The following MICAL3 variants were observed in gnomAD, a reference collection of about 807,000 sequenced individuals.
MICAL3 encodes the protein [F-actin]-monooxygenase MICAL3.
Under a neutral mutation model 207.4 loss-of-function variants are expected in MICAL3, and 62 were observed. The ratio of observed to expected loss-of-function variants is 0.30; its 90% CI spans 0.24 to 0.37. The LOEUF (loss-of-function observed/expected upper bound fraction) is 0.37, where lower values mean the gene tolerates loss of function less well. MICAL3 is among the 10% of genes least tolerant of loss of function. The pLI, the probability that MICAL3 is intolerant of heterozygous loss-of-function variation, is 1.00. For missense variants in MICAL3, 2,368 were observed against 2,635.6 expected, an observed-to-expected ratio of 0.90 and a Z score of 2.22; for synonymous variants, 1,077 against 1,069.3, an observed-to-expected ratio of 1.01 and a Z score of -0.14.
At chr22:18,017,820 C>T (rs371252964) in intron 1 of MICAL3, among the ~76,000 whole-genome samples, 5 of 147,298 alleles carry the variant, frequency 3.4e-5, no homozygotes, top group South Asian at 2.2e-4. Context: ...GCTCGATCTC[C>T]GCTCACTGCA....
At chr22:17,828,059 A>G (rs1922393944) in intron 21 of MICAL3, among the ~76,000 whole-genome samples, 1 of 152,186 alleles carries the variant, frequency 6.6e-6, no homozygotes, top group Non-Finnish European at 1.5e-5. Flanking sequence ...AGAGAATCAC[A>G]CATTCCTTTC....
chr22:17,821,352 G>C (rs1921622998), intron 25 of MICAL3, 75 bp downstream of exon 25: 4 of 1,348,212 alleles, frequency 3.0e-6, no homozygotes, highest in African/African-American at 1.5e-5. Flanking sequence ...CATGGGCCCT[G>C]AAACAGAGAA....
chr22:17,977,749 C>T (rs931388827), intron 1 of MICAL3, among the ~76,000 whole-genome samples: 3 of 152,150 alleles, frequency 2.0e-5, no homozygotes, highest in African/African-American at 7.2e-5. Flanking sequence ...CCTGGCCAGG[C>T]ACAGTGGCTC....
chr22:17,803,701 T>G, intron 29 of MICAL3: 2 of 409,128 alleles, frequency 4.9e-6, no homozygotes, highest in Non-Finnish European at 6.6e-6. Context: ...GCTTTTGCCA[T>G]TTGGTTATTG....
At chr22:17,911,958 A>G (rs1340162567) in intron 1 of MICAL3, among the ~76,000 whole-genome samples, 1 of 102,852 alleles carries the variant, frequency 9.7e-6, no homozygotes, top group Non-Finnish European at 1.8e-5. Flanking sequence ...TAGGCAACTT[A>G]GCATCATTAT....
chr22:17,868,950 G>C (rs953762925), intron 17 of MICAL3, among the ~76,000 whole-genome samples: 1 of 152,156 alleles, frequency 6.6e-6, no homozygotes, highest in Non-Finnish European at 1.5e-5. Context: ...CAGGCGCACC[G>C]GTGCCTGGGC....
chr22:17,906,789 G>A lies in MICAL3; in HGVS notation c.24C>T (p.Thr8=), dbSNP rs534695943. 1.9e-6 allele frequency: 3 copies of A among 1,609,952 alleles called. No individual in the cohort carries two copies. The highest frequency in any genetic ancestry group is 2.2e-5 in the East Asian group (1 of 44,806). Reference sequence around the variant, plus strand: ...CAAAGAGGACATGAGCTGGGTTCATGGTCTCATGCTTCCTCTCCTCCATGC... The same window carrying A: ...CAAAGAGGACATGAGCTGGGTTCATAGTCTCATGCTTCCTCTCCTCCATGC... The part of the protein sequence containing the change: MEERKHE[T]MNPAHVLFDR... Residue 8 remains threonine (T), a synonymous_variant, in exon 2 of 32, where the codon ACC becomes ACT. Transcript: ENST00000441493.
intron 20 of MICAL3, among the ~76,000 whole-genome samples, chr22:17,835,252 C>G (rs757616058): frequency 3.3e-5 from 4 of 122,630 alleles, no homozygotes; most frequent in Non-Finnish European, 7.9e-5. Flanking sequence ...GCTCAAGGAC[C>G]ACGGGAGCAC....
rs561070385 is a variant in MICAL3, at chr22:17,971,673, T to C, written c.-75+52608A>G. Among the ~76,000 whole-genome samples, 24 of 152,284 alleles carry C rather than the reference T, an allele frequency of 1.6e-4. 1 individual carries two copies. In the East Asian group the frequency reaches 4.2e-3, roughly 27 times the overall value. On this transcript the variant is annotated intron_variant, in intron 1 of 31. Transcript: ENST00000441493. Reference sequence around the variant, plus strand: ...TGCCCCAGAGATGGAAGGACAGTGGTGGACACAGCCATCGGTGTAAAAACG... The same window carrying C: ...TGCCCCAGAGATGGAAGGACAGTGGCGGACACAGCCATCGGTGTAAAAACG...
intron 1 of MICAL3, among the ~76,000 whole-genome samples, chr22:17,952,421 C>T (rs1177584958): frequency 6.6e-6 from 1 of 152,190 alleles, no homozygotes; most frequent in African/African-American, 2.4e-5. Flanking sequence ...CCCCACCCTG[C>T]TCTCCCAGCC....
chr22:18,001,079 G>T (rs1452733975), intron 1 of MICAL3: 1 of 152,192 alleles, frequency 6.6e-6, no homozygotes, highest in Non-Finnish European at 1.5e-5. Context: ...CTCAGGACCA[G>T]CCGGCGCACC....
At chr22:17,995,491 ATTTTTTTT>A (rs138357470) in intron 1 of MICAL3, among the ~76,000 whole-genome samples, 6 of 77,594 alleles carry the variant, frequency 7.7e-5, no homozygotes, top group African/African-American at 2.3e-4. Context: ...CTTTTCTTTA[ATTTTTTTT>A]TTTTTTTTTT....
rs117298870 is a variant in MICAL3, at chr22:17,963,637, C to T, written c.-74-56751G>A. 4.8e-3 allele frequency among the ~76,000 whole-genome samples: 728 copies of T among 152,154 alleles called. 4 individuals carry two copies. Among genetic ancestry groups the T allele is most frequent in the Non-Finnish European group, 7.1e-3 (484 of 67,994 alleles). On this transcript the variant is annotated intron_variant, in intron 1 of 31. Coordinates refer to ENST00000441493, the MANE Select transcript of MICAL3 (RefSeq NM_015241.3). ...TGAGGTGAGACTCTTCCTGTGAGCC[C>T]GCACCCCATCAACGTGCTCCATAAG...
intron 1 of MICAL3, among the ~76,000 whole-genome samples, chr22:17,973,744 C>T (rs1935519910): frequency 6.6e-6 from 1 of 152,078 alleles, no homozygotes; most frequent in Non-Finnish European, 1.5e-5. Flanking sequence ...GCCTGGGCAA[C>T]ACGGTGAGAC....
chr22:17,834,344 A>T (rs1923131800), intron 20 of MICAL3: 3 of 1,217,900 alleles, frequency 2.5e-6, no homozygotes, highest in Non-Finnish European at 3.1e-6. Context: ...ATTTACCTGG[A>T]TAAAATTTAT....
chr22:17,904,043 T>C (rs1054005282), intron 3 of MICAL3, among the ~76,000 whole-genome samples: 8 of 152,156 alleles, frequency 5.3e-5, no homozygotes, highest in Non-Finnish European at 1.0e-4. Flanking sequence ...GGGCTGAGCT[T>C]AGAGGTGACA....
At chr22:17,963,109 C>G (rs1808045954) in intron 1 of MICAL3, among the ~76,000 whole-genome samples, 1 of 152,078 alleles carries the variant, frequency 6.6e-6, no homozygotes. Flanking sequence ...CCTTCCTAGA[C>G]ACAGATTTAC....
At chr22:17,791,430 C>T (rs2061823622) in intron 29 of MICAL3, 129 bp from the exon 30 acceptor site, 1 of 811,320 alleles carries the variant, frequency 1.2e-6, no homozygotes, top group Non-Finnish European at 2.0e-6. Context: ...CCAAGCCAGG[C>T]CCAAGGTTTG....
intron 1 of MICAL3, among the ~76,000 whole-genome samples, chr22:17,959,076 C>A (rs1394612254): frequency 7.6e-6 from 1 of 130,838 alleles, no homozygotes; most frequent in Non-Finnish European, 1.5e-5. Flanking sequence ...AGTGCAGTGG[C>A]GCAATCTCGG....
Sources: gnomAD v4.1 joint callset for allele counts (sites outside exome capture counted in the v4.1 genomes callset) on GRCh38, gnomAD v4.1.1 for gene constraint, MANE v1.5 for transcripts, NCBI Gene and HGNC (gene_info 2026-07-23, HGNC 2026-07-21) for gene names.